The following TBL1X variants were observed in gnomAD, a reference collection of about 807,000 sequenced individuals.
The protein encoded by TBL1X is F-box-like/WD repeat-containing protein TBL1X.
TBL1X carries 10 observed loss-of-function variants against 50.7 expected under a neutral mutation model. The observed-to-expected ratio is 0.20, with a 90% CI of 0.12 to 0.33. The LOEUF (loss-of-function observed/expected upper bound fraction) is 0.33. Ranked by LOEUF, TBL1X falls within the 10% of genes least tolerant of loss-of-function variation. TBL1X has a pLI of 1.00. For synonymous variants in TBL1X, 190 were observed against 214.7 expected, an observed-to-expected ratio of 0.88 and a Z score of 1.01; for missense variants, 340 against 504.4, an observed-to-expected ratio of 0.67 and a Z score of 3.12.
chrX:9,603,370 C>T (rs1361031531), intron 2 of TBL1X, among the ~76,000 whole-genome samples: 1 of 112,552 alleles, frequency 8.9e-6, no homozygotes, highest in Admixed American at 9.4e-5. Context: ...TTTAAAAGAT[C>T]TGTAAATGCG....
Position 9,579,028 on chromosome X carries a change from C to T in TBL1X, c.-130-61245C>T, listed in dbSNP as rs191195640. ...TTGAAGCAGAGACCTAGTAGGTACT[C>T]TGTTGCTTATGGTTCCAGGCAATGT... On this transcript the variant is annotated intron_variant, in intron 2 of 17. Transcript: ENST00000645353. Among the ~76,000 whole-genome samples, 87 of 111,949 alleles carry T rather than the reference C, an allele frequency of 7.8e-4. 1 individual carries two copies. The highest frequency in any genetic ancestry group is 2.7e-3 in the African/African-American group (82 of 30,834).
Position 9,669,165 on chromosome X carries a change from T to C in TBL1X, c.211+14843T>C, listed in dbSNP as rs550101970. On this transcript the variant is annotated intron_variant, in intron 5 of 17. Transcript: ENST00000645353. ...CTTTCAAATTTTTCTTCCACTTTTCTAACTTGGACTCAGTAAAATGCTACT... is the reference window on the plus strand; with the variant it reads ...CTTTCAAATTTTTCTTCCACTTTTCCAACTTGGACTCAGTAAAATGCTACT... 3.7e-4 allele frequency among the ~76,000 whole-genome samples: 41 copies of C among 111,778 alleles called. 1 individual carries two copies. The South Asian group carries it at 0.016, about 42-fold the overall frequency.
At chrX:9,685,138 A>C (rs929511100) in intron 6 of TBL1X, among the ~76,000 whole-genome samples, 2 of 112,103 alleles carry the variant, frequency 1.8e-5, no homozygotes, top group Non-Finnish European at 3.8e-5. Flanking sequence ...CACAGTGAGG[A>C]GTTGTGCCAA....
At chrX:9,665,409 A>C (rs2082921546) in intron 5 of TBL1X, among the ~76,000 whole-genome samples, 1 of 91,781 alleles carries the variant, frequency 1.1e-5, no homozygotes, top group Non-Finnish European at 2.1e-5. Context: ...GGCTGACTCC[A>C]TCTTGTCTCT....
chrX:9,495,229 G>A (rs1004531128), intron 1 of TBL1X, among the ~76,000 whole-genome samples: 4 of 111,479 alleles, frequency 3.6e-5, no homozygotes, highest in Non-Finnish European at 7.5e-5. Context: ...CTCTGTGATG[G>A]AGCGCAGCTA....
At position 9,497,836 on chromosome X, in the gene TBL1X, TTTCTTTC is replaced by T. The variant is rs1362545574; in HGVS notation, c.-200-3942_-200-3936del. Among the ~76,000 whole-genome samples, 7 of 71,631 alleles carry T rather than the reference TTTCTTTC, an allele frequency of 9.8e-5. No individual in the cohort carries two copies. In the East Asian group the frequency reaches 5.0e-3, roughly 51 times the overall value. The allele number at this position is 71,631 out of a possible 115,157, so 62.2% of individuals were successfully genotyped here. A position where few individuals can be genotyped will look rare whatever the true frequency, so the allele number is the denominator to read the frequency against. On this transcript the variant is annotated intron_variant, in intron 1 of 17. Transcript: ENST00000645353. ...TCCCTCTCGTTTCTTTCTTTTTTCT[TTTCTTTC>T]TCTCTCTCTCTGTCTCCCTCTCTCT...
rs147343521 is a variant in TBL1X at position 9,673,563 on chromosome X, G to A, written c.212-10480G>A. Among the ~76,000 whole-genome samples the A allele has an allele frequency of 7.9e-3, 879 of 111,950 alleles. 12 individuals are homozygous for A. Among genetic ancestry groups the A allele is most frequent in the African/African-American group, 0.024 (737 of 30,814 alleles). ...TGGGATTCAGAACACCATCCATCTG[G>A]CTTTGGAATCTTTCTCATTTTTTCA... On this transcript the variant is annotated intron_variant, in intron 5 of 17. Transcript: ENST00000645353.
At chrX:9,521,119 T>C (rs755541659) in intron 2 of TBL1X, among the ~76,000 whole-genome samples, 1 of 109,303 alleles carries the variant, frequency 9.1e-6, no homozygotes, top group East Asian at 2.9e-4. Flanking sequence ...AAAAAAGAAG[T>C]TAAAGAGATA....
chrX:9,547,168 C>T (rs1287953133), intron 2 of TBL1X, among the ~76,000 whole-genome samples: 1 of 111,139 alleles, frequency 9.0e-6, no homozygotes, highest in Non-Finnish European at 1.9e-5. Context: ...TTACATTATT[C>T]TTTTAGATAC....
intron 2 of TBL1X, among the ~76,000 whole-genome samples, chrX:9,619,630 G>A (rs946981117): frequency 5.3e-5 from 6 of 112,450 alleles, no homozygotes; most frequent in Non-Finnish European, 9.4e-5. Flanking sequence ...GTGTGTACTC[G>A]TACTTCATCC....
chrX:9,715,144 G>A (rs2083270759), intron 17 of TBL1X, 141 bp downstream of exon 17: 8 of 551,224 alleles, frequency 1.5e-5, no homozygotes, highest in South Asian at 6.0e-5. Context: ...GGATCCCATC[G>A]GAGTTGGTAC....
chrX:9,589,809 C>T (rs1199905586), intron 2 of TBL1X, among the ~76,000 whole-genome samples: 1 of 111,531 alleles, frequency 9.0e-6, no homozygotes, highest in Non-Finnish European at 1.9e-5. Context: ...CAAAGCGTCT[C>T]CTCTAAGACA....
At chrX:9,614,740 C>A (rs2082631280) in intron 2 of TBL1X, among the ~76,000 whole-genome samples, 1 of 111,275 alleles carries the variant, frequency 9.0e-6, no homozygotes, top group Non-Finnish European at 1.9e-5. Context: ...AATAATTGCA[C>A]CATGACTATA....
rs369725540 is a variant in TBL1X at position 9,659,649 on chromosome X, G to A, written c.211+5327G>A. ...TATCTTGGAGTGGGGTTGCTGGGTC[G>A]TGTGACAAGTGTAGGTTTCACTTTA... On this transcript the variant is annotated intron_variant, in intron 5 of 17. Coordinates refer to ENST00000645353, the MANE Select transcript of TBL1X (RefSeq NM_005647.4). 2.1e-3 allele frequency among the ~76,000 whole-genome samples: 232 copies of A among 111,916 alleles called. 2 individuals carry two copies. The highest frequency in any genetic ancestry group is 9.4e-3 in the South Asian group (25 of 2,649).
chrX:9,504,618 G>T (rs2082017267), intron 2 of TBL1X, among the ~76,000 whole-genome samples: 1 of 112,351 alleles, frequency 8.9e-6, no homozygotes, highest in Non-Finnish European at 1.9e-5. Flanking sequence ...CAACCTGATG[G>T]AGCTGAAAAA....
rs144519758 is a variant in TBL1X, at chrX:9,493,943, A to G, written c.-200-7837A>G. Among the ~76,000 whole-genome samples, 76 of 111,715 alleles carry G rather than the reference A, an allele frequency of 6.8e-4. No individual in the cohort carries two copies. The East Asian group carries it at 0.019, about 28-fold the overall frequency. On this transcript the variant is annotated intron_variant, in intron 1 of 17. Transcript: ENST00000645353. ...CCCGTGACACTGGTCCCAGGAAAAT[A>G]TAGGAATTGTCTCTCTTTTTCTGTC...
intron 2 of TBL1X, among the ~76,000 whole-genome samples, chrX:9,537,546 T>C (rs2082194871): frequency 9.0e-6 from 1 of 111,725 alleles, no homozygotes; most frequent in Non-Finnish European, 1.9e-5. Flanking sequence ...ATTTTGACAC[T>C]CTAGGGACCT....
At chrX:9,685,226 G>T (rs899457663) in intron 6 of TBL1X, among the ~76,000 whole-genome samples, 2 of 112,081 alleles carry the variant, frequency 1.8e-5, no homozygotes, top group Non-Finnish European at 3.8e-5. Context: ...TGATTCTGCA[G>T]TGAAGATCCC....
At chrX:9,675,718 C>G (rs1348639583) in intron 5 of TBL1X, among the ~76,000 whole-genome samples, 1 of 110,427 alleles carries the variant, frequency 9.1e-6, no homozygotes, top group Non-Finnish European at 1.9e-5. Flanking sequence ...AAATGAAACC[C>G]CATTTCTACT....
Sources: gnomAD v4.1 joint callset for allele counts (sites outside exome capture counted in the v4.1 genomes callset) on GRCh38, gnomAD v4.1.1 for gene constraint, MANE v1.5 for transcripts, NCBI Gene and HGNC (gene_info 2026-07-23, HGNC 2026-07-21) for gene names.